Variants in UST observed in about 807,000 individuals in gnomAD.
UST encodes the protein chondroitin sulfate 2-O-sulfotransferase.
Under a neutral mutation model 45.6 loss-of-function variants are expected in UST, and 21 were observed. That is an observed-to-expected ratio of 0.46 (90% CI 0.33 to 0.66). UST has a LOEUF of 0.66. Ranked by LOEUF, UST falls within the 30% of genes least tolerant of loss-of-function variation. UST has a pLI of 0.02. For missense variants in UST, 463 were observed against 512.4 expected (o/e 0.90, Z 0.93); for synonymous variants, 215 against 200.6 (o/e 1.07, Z -0.61).
At chr6:148,752,069 C>G (rs1046456256) in intron 1 of UST, among the ~76,000 whole-genome samples, 1 of 152,182 alleles carries the variant, frequency 6.6e-6, no homozygotes, top group Admixed American at 6.6e-5. Context: ...ATTTATACCA[C>G]TTTAAATGGA....
At chr6:148,856,954 A>G (rs1451667779) in intron 1 of UST, among the ~76,000 whole-genome samples, 1 of 149,220 alleles carries the variant, frequency 6.7e-6, no homozygotes, top group Non-Finnish European at 1.5e-5. Context: ...TGATATATAT[A>G]TTACATTATA....
At position 148,851,710 on chromosome 6, in the gene UST, T is replaced by G. The variant is rs73001136; in HGVS notation, c.248-35276T>G. Among the ~76,000 whole-genome samples the G allele has an allele frequency of 9.6e-3, 1,465 of 152,282 alleles. 8 individuals are homozygous for G. The highest frequency in any genetic ancestry group is 0.014 in the Non-Finnish European group (942 of 68,020). On this transcript the variant is annotated intron_variant, in intron 1 of 7. Transcript: ENST00000367463. ...GTGACTGGGCTTTCCTGTGGTGAGGTGACGGCTGGGAATAGAATGATCAGA... is the reference window on the plus strand; with the variant it reads ...GTGACTGGGCTTTCCTGTGGTGAGGGGACGGCTGGGAATAGAATGATCAGA...
chr6:149,043,331 A>T (rs2115032513), intron 7 of UST, among the ~76,000 whole-genome samples: 1 of 152,200 alleles, frequency 6.6e-6, no homozygotes, highest in East Asian at 1.9e-4. Context: ...GGCTGATCTC[A>T]AACTCTTGGG....
chr6:148,750,190 ACTTTT>A (rs1244562755), intron 1 of UST, among the ~76,000 whole-genome samples: 3 of 152,226 alleles, frequency 2.0e-5, no homozygotes, highest in Admixed American at 6.5e-5. Context: ...TATATCAAAC[ACTTTT>A]CTTTACAGAG....
In UST at chr6:148,959,748, G is replaced by T. The variant is rs536189332; in HGVS notation, c.528-4662G>T. The stretch of plus-strand genomic sequence containing the variant: ...CCCACCTCCTTCCCCATTTGTCTCA[G>T]CTTCTCACAGCAAATGTTTCCATCT... On this transcript the variant is annotated intron_variant, in intron 4 of 7. Coordinates refer to ENST00000367463, the MANE Select transcript of UST (RefSeq NM_005715.3). Among the ~76,000 whole-genome samples, 3 of 152,234 alleles carry T rather than the reference G, an allele frequency of 2.0e-5. No individual in the cohort carries two copies. The East Asian group carries it at 5.8e-4, about 29-fold the overall frequency.
At chr6:148,951,690 G>A (rs777590719) in intron 3 of UST, among the ~76,000 whole-genome samples, 7 of 152,134 alleles carry the variant, frequency 4.6e-5, no homozygotes, top group East Asian at 1.9e-4. Flanking sequence ...ACTGCTTGTC[G>A]CCAAAAACAA....
In UST at chr6:149,075,320, G is replaced by A. The variant is rs1220193021; in HGVS notation, c.*1204G>A. On this transcript the variant is annotated 3_prime_UTR_variant, in exon 8 of 8. Coordinates refer to ENST00000367463, the MANE Select transcript of UST (RefSeq NM_005715.3). ...GAGGTACCTGTTTTCAGTAAAAAGG[G>A]GTCCTGAGTTCTGTGCAGGTGGAAG... 1 of 152,158 alleles carries A rather than the reference G, an allele frequency of 6.6e-6. No homozygotes were observed. Among genetic ancestry groups the A allele is most frequent in the Non-Finnish European group, 1.5e-5 (1 of 68,074 alleles). The allele number at this position is 152,158 out of a possible 1,614,324, so 9.4% of individuals were successfully genotyped here.
At chr6:148,814,982 A>G (rs1310300139) in intron 1 of UST, among the ~76,000 whole-genome samples, 2 of 152,240 alleles carry the variant, frequency 1.3e-5, no homozygotes, top group African/African-American at 4.8e-5. Context: ...ATGATAGGAT[A>G]TACGTTAATA....
chr6:149,003,831 C>G (rs1160088727), intron 5 of UST, among the ~76,000 whole-genome samples: 2 of 152,206 alleles, frequency 1.3e-5, no homozygotes, highest in African/African-American at 4.8e-5. Flanking sequence ...GAAGCCAGCC[C>G]AGCACCCCAC....
At chr6:148,925,814 A>G (rs1053069018) in intron 2 of UST, among the ~76,000 whole-genome samples, 1 of 152,236 alleles carries the variant, frequency 6.6e-6, no homozygotes, top group Non-Finnish European at 1.5e-5. Flanking sequence ...TGAATTTTTA[A>G]TGCGCTTACA....
At chr6:148,847,122 A>G (rs1284607671) in intron 1 of UST, among the ~76,000 whole-genome samples, 1 of 152,274 alleles carries the variant, frequency 6.6e-6, no homozygotes, top group Non-Finnish European at 1.5e-5. Flanking sequence ...TGTTTTAGTT[A>G]TCTGTAGCAA....
chr6:148,962,579 G>A (rs1780684851), intron 4 of UST, among the ~76,000 whole-genome samples: 1 of 152,210 alleles, frequency 6.6e-6, no homozygotes, highest in East Asian at 1.9e-4. Context: ...GGTGTGTACA[G>A]TAGTTAGCTG....
chr6:148,940,416 C>G (rs1445647360), intron 2 of UST, among the ~76,000 whole-genome samples: 1 of 152,032 alleles, frequency 6.6e-6, no homozygotes, highest in Non-Finnish European at 1.5e-5. Context: ...ATCGCATGAG[C>G]CCGGGAGACG....
rs994625995 is a variant in UST, at chr6:149,055,336, T to G, written c.938-18497T>G. Among the ~76,000 whole-genome samples the G allele has an allele frequency of 3.9e-5, 6 of 152,250 alleles. No individual in the cohort carries two copies. The South Asian group carries it at 1.0e-3, about 26-fold the overall frequency. The stretch of plus-strand genomic sequence containing the variant: ...CAGTATGGATTTAATGCCGGTTCAC[T>G]TATTCAGTTTTATGCAGTTAAGTTG... On this transcript the variant is annotated intron_variant, in intron 7 of 7. Transcript: ENST00000367463.
intron 3 of UST, among the ~76,000 whole-genome samples, chr6:148,943,250 C>A (rs1279247353): frequency 6.6e-6 from 1 of 152,158 alleles, no homozygotes; most frequent in African/African-American, 2.4e-5. Context: ...TTCCCAGATG[C>A]CTCATAAAAC....
At chr6:148,959,472 A>T (rs2114950678) in intron 4 of UST, among the ~76,000 whole-genome samples, 1 of 152,270 alleles carries the variant, frequency 6.6e-6, no homozygotes, top group Middle Eastern at 3.4e-3. Flanking sequence ...TACAAGTGCG[A>T]GTTTTCTCTG....
In UST at chr6:148,747,318, G is replaced by T; in HGVS notation, c.-113G>T. 7.9e-7 allele frequency: 1 copy of T among 1,266,808 alleles called. No homozygotes were observed. The highest frequency in any genetic ancestry group is 1.0e-6 in the Non-Finnish European group (1 of 988,280). The allele number at this position is 1,266,808 out of a possible 1,614,324, so 78.5% of individuals were successfully genotyped here. On this transcript the variant is annotated 5_prime_UTR_variant, in exon 1 of 8. Coordinates refer to ENST00000367463, the MANE Select transcript of UST (RefSeq NM_005715.3). The stretch of plus-strand genomic sequence containing the variant: ...GGCCCCTCCCCGCCCCCACCCGGCT[G>T]CCCTCCGCGCGGCCCTCCCCATGTG...
chr6:148,907,369 G>A (rs1212738570), intron 2 of UST, among the ~76,000 whole-genome samples: 1 of 152,174 alleles, frequency 6.6e-6, no homozygotes, highest in African/African-American at 2.4e-5. Flanking sequence ...TTATAGAGGT[G>A]TACTTATACT....
At chr6:148,776,399 C>CT (rs1373884432) in intron 1 of UST, among the ~76,000 whole-genome samples, 5 of 152,126 alleles carry the variant, frequency 3.3e-5, no homozygotes, top group Non-Finnish European at 5.9e-5. Flanking sequence ...GGAGTGTGGT[C>CT]AATGACGCAA....
Sources: allele counts gnomAD v4.1 joint callset (sites outside exome capture counted in the v4.1 genomes callset), GRCh38; gene constraint gnomAD v4.1.1; transcripts MANE v1.5; gene names NCBI Gene and HGNC (gene_info 2026-07-23, HGNC 2026-07-21).